The following FMN1 variants were observed in gnomAD, a reference collection of about 807,000 sequenced individuals.
FMN1 encodes the protein formin 1.
In FMN1, 110 loss-of-function variants were observed where a neutral mutation model predicts 132.4. The ratio of observed to expected loss-of-function variants is 0.83; its 90% CI spans 0.71 to 0.97. The LOEUF is 0.97. FMN1 is among the 50% of genes least tolerant of loss of function. The pLI is 0.00. For synonymous variants in FMN1, 722 were observed against 651.7 expected (o/e 1.11, Z -1.64); for missense variants, 1,792 against 1,705.3 (o/e 1.05, Z -0.90).
At chr15:33,013,290 T>C (rs1379163707) in intron 6 of FMN1, among the ~76,000 whole-genome samples, 1 of 152,250 alleles carries the variant, frequency 6.6e-6, no homozygotes, top group African/African-American at 2.4e-5. Flanking sequence ...ATTTCTGTTC[T>C]GTGGAAAGTA....
At chr15:33,185,571 T>A (rs1243237246) in intron 2 of FMN1, among the ~76,000 whole-genome samples, 1 of 136,850 alleles carries the variant, frequency 7.3e-6, no homozygotes, top group African/African-American at 3.2e-5. Context: ...AGTAAGAATT[T>A]TTTTTTTTTT....
chr15:32,988,831 A>AGCTCCCCATCTATAAAATGAACAGGTTT, intron 7 of FMN1, among the ~76,000 whole-genome samples: 1 of 152,240 alleles, frequency 6.6e-6, no homozygotes, highest in South Asian at 2.1e-4. Flanking sequence ...TTTACCCTTT[A>AGCTCCCCATCTATAAAATGAACAGGTTT]GCTCCCCATC....
At chr15:32,808,134 C>T (rs751411338) in intron 17 of FMN1, among the ~76,000 whole-genome samples, 4 of 152,192 alleles carry the variant, frequency 2.6e-5, no homozygotes, top group Non-Finnish European at 4.4e-5. Flanking sequence ...CTTTTCAATA[C>T]GGGAACTATA....
In FMN1 at chr15:32,899,785, G is replaced by GGA. The variant is rs2060250396; in HGVS notation, c.3654+193_3654+194insTC. On this transcript the variant is annotated intron_variant, in intron 14 of 20. Coordinates refer to ENST00000616417, the MANE Select transcript of FMN1 (RefSeq NM_001277313.2). ...AGTAATTGAAAATAAAGTCTAACGT[G>GGA]AAAAAAAAAAACCAAACAAAACTCT... The GGA allele has an allele frequency of 7.3e-6, 4 of 547,078 alleles. No homozygotes were observed. In the South Asian group the frequency reaches 9.4e-5, roughly 13 times the overall value. 33.9% of individuals were successfully genotyped at this position (547,078 alleles called of 1,614,324 possible).
intron 5 of FMN1, among the ~76,000 whole-genome samples, chr15:33,079,906 C>T (rs2038380898): frequency 6.6e-6 from 1 of 152,088 alleles, no homozygotes; most frequent in South Asian, 2.1e-4. Flanking sequence ...CCAAATTGAT[C>T]AGTTCATCCC....
chr15:33,068,537 G>C (rs1273938366), intron 5 of FMN1, among the ~76,000 whole-genome samples: 1 of 152,154 alleles, frequency 6.6e-6, no homozygotes, highest in Non-Finnish European at 1.5e-5. Flanking sequence ...AGCCACTTAC[G>C]AAGCCGCAAT....
rs182474969 is a variant in FMN1, at chr15:33,152,939, T to C, written c.1867+109A>G. 14 of 1,120,846 alleles carry C rather than the reference T, an allele frequency of 1.2e-5. No homozygotes were observed. In the East Asian group the frequency reaches 3.6e-4, roughly 29 times the overall value. 69.4% of individuals were successfully genotyped at this position (1,120,846 alleles called of 1,614,324 possible). ...TTGCTACAAAGTGAAGTAATAGGCC[T>C]AGGAATTTTGGTCCATTGTTAATCA... On this transcript the variant is annotated intron_variant, in intron 4 of 20. Coordinates refer to ENST00000616417, the MANE Select transcript of FMN1 (RefSeq NM_001277313.2).
chr15:32,896,363 T>C (rs2141561668), intron 15 of FMN1, among the ~76,000 whole-genome samples: 1 of 152,206 alleles, frequency 6.6e-6, no homozygotes, highest in Admixed American at 6.5e-5. Flanking sequence ...CTTCTAAGAT[T>C]GATTAGAATT....
chr15:32,945,797 G>A (rs984207349), intron 9 of FMN1, among the ~76,000 whole-genome samples: 6 of 152,166 alleles, frequency 3.9e-5, no homozygotes, highest in Non-Finnish European at 7.3e-5. Context: ...ACCCCTAGCT[G>A]CAGTGCCTCA....
At chr15:32,983,922 T>C (rs1016513563) in intron 7 of FMN1, among the ~76,000 whole-genome samples, 1 of 152,200 alleles carries the variant, frequency 6.6e-6, no homozygotes, top group Non-Finnish European at 1.5e-5. Flanking sequence ...GTATCATTCT[T>C]ACATTGCAGC....
intron 3 of FMN1, among the ~76,000 whole-genome samples, chr15:33,163,298 CTT>C (rs200600407): frequency 2.1e-5 from 3 of 144,700 alleles, no homozygotes; most frequent in African/African-American, 2.5e-5. Flanking sequence ...CTTGTCTTTT[CTT>C]TTTTTTTTTT....
In FMN1 at chr15:32,771,708, C is replaced by T; in HGVS notation, c.*2602G>A. On this transcript the variant is annotated 3_prime_UTR_variant, in exon 21 of 21. Coordinates refer to ENST00000616417, the MANE Select transcript of FMN1 (RefSeq NM_001277313.2). ...CTGCTGGCAGGATGTGCTTAAGCTG[C>T]CAAATGGCATCCCGATCACCTCCTC... is the stretch of plus-strand genomic sequence containing the variant. The T allele has an allele frequency of 6.6e-6, 1 of 152,350 alleles. No individual in the cohort carries two copies. The highest frequency in any genetic ancestry group is 1.5e-5 in the Non-Finnish European group (1 of 68,070). 9.4% of individuals were successfully genotyped at this position (152,350 alleles called of 1,614,324 possible).
intron 16 of FMN1, among the ~76,000 whole-genome samples, chr15:32,863,624 C>G (rs561531730): frequency 6.6e-6 from 1 of 152,274 alleles, no homozygotes; most frequent in South Asian, 2.1e-4. Flanking sequence ...GGGTATGGCA[C>G]GCAGTAATTA....
In FMN1 at chr15:33,018,879, T is replaced by C. The variant is rs552769906; in HGVS notation, c.2162-10804A>G. 3.3e-5 allele frequency among the ~76,000 whole-genome samples: 5 copies of C among 152,286 alleles called. No homozygotes were observed. The East Asian group carries it at 7.7e-4, about 24-fold the overall frequency. The stretch of plus-strand genomic sequence containing the variant: ...AGGCAGCACGTCTGGAGTTGTTCGA[T>C]CCTCCGGTGGGTTCGTAGTCTCACT... On this transcript the variant is annotated intron_variant, in intron 6 of 20. Transcript: ENST00000616417.
intron 4 of FMN1, among the ~76,000 whole-genome samples, chr15:33,113,270 C>T (rs888896010): frequency 3.3e-5 from 5 of 152,126 alleles, no homozygotes; most frequent in Admixed American, 3.3e-4. Flanking sequence ...ATTCAAACAA[C>T]TTCAGTGAAG....
rs200705106 is a variant in FMN1 at position 33,072,922 on chromosome 15, CA to C, written c.2044-7849del. On this transcript the variant is annotated intron_variant, in intron 5 of 20. Transcript: ENST00000616417. Reference sequence around the variant, plus strand: ...TGGGCAACAGAACAAGACTCCATCTCAAAAAAAAAAAAAAACAAAAACAGAA... The same window carrying C: ...TGGGCAACAGAACAAGACTCCATCTCAAAAAAAAAAAAAACAAAAACAGAA... 4.1e-3 allele frequency among the ~76,000 whole-genome samples: 357 copies of C among 87,114 alleles called. 1 individual carries two copies. The highest frequency in any genetic ancestry group is 8.7e-3 in the African/African-American group (207 of 23,788). The allele number at this position is 87,114 out of a possible 152,430, so 57.2% of individuals were successfully genotyped here. A position where few individuals can be genotyped will look rare whatever the true frequency, so the allele number is the denominator to read the frequency against.
intron 7 of FMN1, among the ~76,000 whole-genome samples, chr15:32,990,845 A>G (rs1318950491): frequency 1.3e-5 from 2 of 152,158 alleles, no homozygotes; most frequent in Non-Finnish European, 1.5e-5. Flanking sequence ...CAAAGGGAGA[A>G]GCCCCTTACA....
rs199944520 is a variant in FMN1 at position 33,066,881 on chromosome 15, G to A, written c.2044-1807C>T. ...CTCCAGGAGAGTGGGAGTGGCCTTC[G>A]GATCAGTTGCTTTCTTCTCACTCTT... On this transcript the variant is annotated intron_variant, in intron 5 of 20. Coordinates refer to ENST00000616417, the MANE Select transcript of FMN1 (RefSeq NM_001277313.2). 240 of 1,613,920 alleles carry A rather than the reference G, an allele frequency of 1.5e-4. 1 individual carries two copies. Among genetic ancestry groups the A allele is most frequent in the African/African-American group, 1.0e-3 (78 of 75,004 alleles).
At chr15:32,840,466 C>T (rs1454231775) in intron 17 of FMN1, among the ~76,000 whole-genome samples, 1 of 152,202 alleles carries the variant, frequency 6.6e-6, no homozygotes, top group African/African-American at 2.4e-5. Context: ...GAGGACCTAA[C>T]AGCATGCCCA....
Sources: gnomAD v4.1 joint callset for allele counts (sites outside exome capture counted in the v4.1 genomes callset) on GRCh38, gnomAD v4.1.1 for gene constraint, MANE v1.5 for transcripts, NCBI Gene and HGNC (gene_info 2026-07-23, HGNC 2026-07-21) for gene names.